The following HLTF variants were observed in gnomAD, a reference collection of about 807,000 sequenced individuals.
The protein encoded by HLTF is helicase like transcription factor.
A neutral mutation model predicts 129.4 loss-of-function variants in HLTF; 127 were observed. That is an observed-to-expected ratio of 0.98 (90% CI 0.85 to 1.14). The LOEUF is 1.14. Ranked by LOEUF, HLTF falls within the 50% of genes most tolerant of loss-of-function variation. HLTF has a pLI of 0.00. For synonymous variants in HLTF, 332 were observed against 388.8 expected (o/e 0.85, Z 1.72); for missense variants, 1,139 against 1,187.1 (o/e 0.96, Z 0.60).
At chr3:149,040,256 T>C (rs1488681252) in intron 20 of HLTF, 100 bp from the exon 21 acceptor site, 2 of 984,246 alleles carry the variant, frequency 2.0e-6, no homozygotes, top group Non-Finnish European at 3.1e-6. Flanking sequence ...GTATCTCTCA[T>C]AGCTAACATT....
chr3:149,041,489 C>G lies in HLTF; in HGVS notation c.2376+1G>C. On this transcript the variant is annotated splice_donor_variant, in intron 20 of 24. Coordinates refer to ENST00000310053, the MANE Select transcript of HLTF (RefSeq NM_003071.4). LOFTEE classifies it high-confidence loss of function. ...GAACCTGTACTGAGCAAAAAACTAA[C>G]CTGCTCATTCTGAATGACTTGGCAA... is the stretch of plus-strand genomic sequence containing the variant. 6.2e-7 allele frequency: 1 copy of G among 1,610,612 alleles called. No homozygotes were observed. The highest frequency in any genetic ancestry group is 8.5e-7 in the Non-Finnish European group (1 of 1,177,726).
chr3:149,084,487 A>G (rs1364355442), intron 2 of HLTF, among the ~76,000 whole-genome samples, 195 bp downstream of exon 2: 1 of 152,226 alleles, frequency 6.6e-6, no homozygotes, highest in Admixed American at 6.5e-5. Context: ...ATATTGGCTC[A>G]TTCCTGTAAT....
chr3:149,035,766 C>T (rs946061682), intron 23 of HLTF, among the ~76,000 whole-genome samples: 5 of 150,762 alleles, frequency 3.3e-5, no homozygotes, highest in Non-Finnish European at 5.9e-5. Flanking sequence ...GTTAGTTTGA[C>T]TTTAAAGCTG....
chr3:149,033,470 T>C (rs1204364255), intron 24 of HLTF, among the ~76,000 whole-genome samples: 1 of 152,060 alleles, frequency 6.6e-6, no homozygotes, highest in Non-Finnish European at 1.5e-5. Flanking sequence ...AAAAGGGTCA[T>C]CAGAACATTT....
chr3:149,073,026 G>A (rs1430617896), intron 5 of HLTF, among the ~76,000 whole-genome samples, 199 bp downstream of exon 5: 1 of 151,850 alleles, frequency 6.6e-6, no homozygotes, highest in African/African-American at 2.4e-5. Flanking sequence ...GTTCACGTAT[G>A]GATTTATTCC....
At chr3:149,072,109 C>A (rs1576617596) in intron 5 of HLTF, among the ~76,000 whole-genome samples, 1 of 152,146 alleles carries the variant, frequency 6.6e-6, no homozygotes, top group East Asian at 1.9e-4. Context: ...TAGTCAAACG[C>A]CAAAAAGGCA....
intron 2 of HLTF, among the ~76,000 whole-genome samples, chr3:149,076,462 A>G (rs552250843): frequency 7.2e-5 from 11 of 152,254 alleles, no homozygotes; most frequent in Admixed American, 7.2e-4. Flanking sequence ...CATTATTCCC[A>G]TTTTACAAAT....
chr3:149,080,188 G>A (rs147311856), intron 2 of HLTF, among the ~76,000 whole-genome samples: 58 of 152,256 alleles, frequency 3.8e-4, no homozygotes, highest in African/African-American at 1.4e-3. Flanking sequence ...CAGGGACTGA[G>A]GGGTAGAGAT....
chr3:149,062,556 A>T (rs1718034815), intron 10 of HLTF, among the ~76,000 whole-genome samples: 1 of 152,254 alleles, frequency 6.6e-6, no homozygotes, highest in African/African-American at 2.4e-5. Flanking sequence ...CAATTTTTAG[A>T]CCTACTTCAG....
At chr3:149,066,749 A>G (rs528894826) in intron 8 of HLTF, among the ~76,000 whole-genome samples, 1 of 152,284 alleles carries the variant, frequency 6.6e-6, no homozygotes, top group African/African-American at 2.4e-5. Context: ...ATGTGCTTCT[A>G]TCAAATCTGG....
intron 1 of HLTF, among the ~76,000 whole-genome samples, chr3:149,085,433 G>A (rs1394093664): frequency 2.6e-5 from 4 of 152,192 alleles, no homozygotes; most frequent in African/African-American, 9.6e-5. Context: ...AGGTTGCAGC[G>A]AGCCGAGATT....
rs775165370 is a variant in HLTF at position 149,039,066 on chromosome 3, C to T, written c.2779G>A (p.Val927Met). ...CTACTTACTGGATCCATTAAAAACA[C>T]TCGAGAAGCTGCAGACAGATTCAAA... ...VGLNLSAASR[V>M]FLMDPAWNPA... is the part of the protein sequence containing the mutation. Residue 927 changes from valine to methionine, a missense_variant, in exon 23 of 25, where the codon GTG becomes ATG. Physicochemically the swap from Val to Met is conservative, Grantham distance 21. Coordinates refer to ENST00000310053, the MANE Select transcript of HLTF (RefSeq NM_003071.4). 21 of 1,581,662 alleles carry T rather than the reference C, an allele frequency of 1.3e-5. No individual in the cohort carries two copies. Among genetic ancestry groups the T allele is most frequent in the South Asian group, 4.7e-5 (4 of 84,852 alleles).
chr3:149,045,412 G>C (rs77400372), intron 18 of HLTF, among the ~76,000 whole-genome samples: 3,351 of 152,184 alleles, frequency 0.022, 126 homozygotes, highest in African/African-American at 0.076. Flanking sequence ...AATTCCTCGA[G>C]TGCAGGCATT....
chr3:149,056,608 A>G (rs988605251), intron 13 of HLTF, among the ~76,000 whole-genome samples: 3 of 152,206 alleles, frequency 2.0e-5, no homozygotes, highest in Non-Finnish European at 2.9e-5. Flanking sequence ...ACTTAAAACC[A>G]TAAATAGTAC....
chr3:149,079,905 T>C (rs1290916711), intron 2 of HLTF, among the ~76,000 whole-genome samples: 1 of 152,208 alleles, frequency 6.6e-6, no homozygotes, highest in African/African-American at 2.4e-5. Flanking sequence ...GCCACAAAGT[T>C]TTTTATATAC....
intron 12 of HLTF, 53 bp from the exon 13 acceptor site, chr3:149,059,860 G>C: frequency 9.6e-7 from 1 of 1,040,438 alleles, no homozygotes; most frequent in Admixed American, 1.9e-5. Flanking sequence ...TCCTGTGCTA[G>C]AGTACAGGTA....
chr3:149,053,179 AT>A (rs1717143423), intron 14 of HLTF, among the ~76,000 whole-genome samples: 1 of 152,164 alleles, frequency 6.6e-6, no homozygotes, highest in African/African-American at 2.4e-5. Flanking sequence ...AGATTGTGAA[AT>A]TTTAATTCTT....
intron 1 of HLTF, among the ~76,000 whole-genome samples, 196 bp downstream of exon 1, chr3:149,086,121 G>A (rs1158455059): frequency 6.6e-6 from 1 of 152,156 alleles, no homozygotes; most frequent in African/African-American, 2.4e-5. Context: ...CCTAACACGG[G>A]ACTCGCCCTA....
In HLTF at chr3:149,039,704, T is replaced by G. The variant is rs374815591; in HGVS notation, c.2503-11A>C. The stretch of plus-strand genomic sequence containing the variant: ...CATTAGCGCATTAATCTGCAAAAAA[T>G]ATTAAGATGTCCATTAGATTCCATT... On this transcript the variant is annotated splice_polypyrimidine_tract_variant and intron_variant, in intron 21 of 24. Coordinates refer to ENST00000310053, the MANE Select transcript of HLTF (RefSeq NM_003071.4). 7.5e-7 allele frequency: 1 copy of G among 1,331,718 alleles called. No individual in the cohort carries two copies. The highest frequency in any genetic ancestry group is 1.3e-5 in the South Asian group (1 of 75,484). 82.5% of individuals were successfully genotyped at this position (1,331,718 alleles called of 1,614,324 possible).
Sources: gnomAD v4.1 joint callset for allele counts (sites outside exome capture counted in the v4.1 genomes callset) on GRCh38, gnomAD v4.1.1 for gene constraint, MANE v1.5 for transcripts, NCBI Gene and HGNC (gene_info 2026-07-23, HGNC 2026-07-21) for gene names.